The following ETV1 variants were observed in gnomAD, a reference collection of about 807,000 sequenced individuals.
ETV1 encodes ETS translocation variant 1.
Under a neutral mutation model 62.3 loss-of-function variants are expected in ETV1, and 27 were observed. The observed-to-expected ratio is 0.43, with a 90% CI of 0.32 to 0.60. ETV1 has a LOEUF of 0.60. Ranked by LOEUF, ETV1 falls within the 20% of genes least tolerant of loss-of-function variation. The probability of loss-of-function intolerance (pLI) is 0.06; values close to 1 mark genes in which losing one functional copy is unlikely to be tolerated. For synonymous variants in ETV1, 222 were observed against 199.6 expected (o/e 1.11, Z -0.94); for missense variants, 605 against 605.8 (o/e 1.00, Z 0.01).
chr7:13,983,655 A>T (rs940635671), intron 5 of ETV1, among the ~76,000 whole-genome samples: 18 of 151,482 alleles, frequency 1.2e-4, no homozygotes, highest in African/African-American at 4.1e-4. Context: ...GTTACTGAAA[A>T]CATTAACTTT....
chr7:13,979,621 T>C (rs1781788765), intron 5 of ETV1, among the ~76,000 whole-genome samples: 1 of 152,112 alleles, frequency 6.6e-6, no homozygotes, highest in African/African-American at 2.4e-5. Flanking sequence ...TATATCATTG[T>C]TTTGGTTTTC....
intron 8 of ETV1, among the ~76,000 whole-genome samples, chr7:13,932,044 C>CCACACACACACA (rs60981382): frequency 5.0e-4 from 74 of 148,058 alleles, no homozygotes; most frequent in African/African-American, 1.7e-3. Flanking sequence ...TTTTACACAC[C>CCACACACACACA]CACACACACA....
At position 13,988,497 on chromosome 7, in the gene ETV1, C is replaced by CAA. The variant is rs532528165; in HGVS notation, c.46-326_46-325dup. 633 of 678,742 alleles carry CAA rather than the reference C, an allele frequency of 9.3e-4. 2 individuals are homozygous for CAA. In the African/African-American group the frequency reaches 0.011, roughly 11 times the overall value. 42.0% of individuals were successfully genotyped at this position (678,742 alleles called of 1,614,324 possible). A position where few individuals can be genotyped will look rare whatever the true frequency, so the allele number is the denominator to read the frequency against. On this transcript the variant is annotated intron_variant, in intron 3 of 13. Coordinates refer to ENST00000430479, the MANE Select transcript of ETV1 (RefSeq NM_004956.5). ...ACTTAAAGTTGTTTTTAGGCTGGTT[C>CAA]AATGCTAGATTAAAACAGTGGGTTT... is the stretch of plus-strand genomic sequence containing the variant.
chr7:13,932,070 A>AC (rs1786253828), intron 8 of ETV1, among the ~76,000 whole-genome samples: 2 of 151,338 alleles, frequency 1.3e-5, no homozygotes, highest in African/African-American at 4.9e-5. Flanking sequence ...ACACACACAC[A>AC]ACGATTAATG....
At position 13,895,997 on chromosome 7, in the gene ETV1, T is replaced by G. The variant is rs1341179503; in HGVS notation, c.1303A>C (p.Lys435Gln). Residue 435 changes from lysine to glutamine, a missense_variant, in exon 14 of 14, where the codon AAG becomes CAG. Physicochemically the swap from Lys to Gln is moderately conservative, Grantham distance 53. Around this residue, in one of 3 missense-constraint regions of ETV1, gnomAD observed 79 missense variants for 71.6 expected, o/e 1.10. Coordinates refer to ENST00000430479, the MANE Select transcript of ETV1 (RefSeq NM_004956.5). ...AFPDNQRPLL[K>Q]TDMERHINEE... is the part of the protein sequence containing the mutation. ...TTGATGTGACGTTCCATGTCTGTCT[T>G]CAGCAGTGGACGCTGATTATCTGGA... The G allele has an allele frequency of 1.9e-6, 3 of 1,613,758 alleles. No individual in the cohort carries two copies. The highest frequency in any genetic ancestry group is 2.5e-6 in the Non-Finnish European group (3 of 1,179,822).
At chr7:13,934,518 A>G (rs558187315) in intron 8 of ETV1, among the ~76,000 whole-genome samples, 1 of 152,340 alleles carries the variant, frequency 6.6e-6, no homozygotes, top group African/African-American at 2.4e-5. Flanking sequence ...ACGGTGTCTC[A>G]GGGCCAGTTT....
At chr7:13,972,730 C>T (rs895448817) in intron 6 of ETV1, among the ~76,000 whole-genome samples, 3 of 152,256 alleles carry the variant, frequency 2.0e-5, no homozygotes, top group African/African-American at 7.2e-5. Flanking sequence ...TAGCCTTCAT[C>T]GATTTCCTGG....
At chr7:13,909,332 G>T (rs1783313917) in intron 11 of ETV1, among the ~76,000 whole-genome samples, 1 of 152,076 alleles carries the variant, frequency 6.6e-6, no homozygotes, top group Admixed American at 6.6e-5. Context: ...CGAATAACAA[G>T]CTGCATGTGC....
chr7:13,928,576 T>C (rs1405282388), intron 9 of ETV1, among the ~76,000 whole-genome samples: 2 of 152,004 alleles, frequency 1.3e-5, no homozygotes, highest in Non-Finnish European at 2.9e-5. Flanking sequence ...ATCGTGCCAC[T>C]GCACTCCAGC....
chr7:13,949,529 T>TACATTTACC (rs1045386323), intron 6 of ETV1, among the ~76,000 whole-genome samples: 26 of 152,142 alleles, frequency 1.7e-4, no homozygotes, highest in Non-Finnish European at 2.8e-4. Flanking sequence ...TTCTTTCTAG[T>TACATTTACC]ACATTTACCT....
Position 13,986,650 on chromosome 7 carries a change from A to C in ETV1, c.169T>G (p.Trp57Gly), listed in dbSNP as rs768930207. 6.2e-7 allele frequency: 1 copy of C among 1,612,618 alleles called. No homozygotes were observed. The highest frequency in any genetic ancestry group is 1.1e-5 in the South Asian group (1 of 90,662). ...FQDLSQLQETWLAEAQVPDND... is the reference protein window; with the variant it reads ...FQDLSQLQETGLAEAQVPDND... ...AATTTTGCCTTACCTTCTGCAAGCCATGTTTCCTGTAATTGACTTAGATCT... is the reference window on the plus strand; with the variant it reads ...AATTTTGCCTTACCTTCTGCAAGCCCTGTTTCCTGTAATTGACTTAGATCT... The change falls in exon 5 of 14, where the codon TGG becomes GGG. Residue 57 changes from tryptophan (W) to glycine (G), a missense_variant. Transcript: ENST00000430479.
chr7:13,981,911 A>G (rs1420361696), intron 5 of ETV1, among the ~76,000 whole-genome samples: 2 of 152,090 alleles, frequency 1.3e-5, no homozygotes, highest in African/African-American at 2.4e-5. Context: ...AGGCCATGGA[A>G]CAAAATAATC....
intron 5 of ETV1, chr7:13,985,968 TTAAATAAATCCTAA>T: frequency 1.5e-6 from 1 of 675,872 alleles, no homozygotes; most frequent in Non-Finnish European, 2.5e-6. Context: ...CCTTGCTCTA[TTAAATAAATCCTAA>T]TAAAACTGAC....
chr7:13,946,169 G>A (rs540175452), intron 6 of ETV1, among the ~76,000 whole-genome samples: 2 of 152,152 alleles, frequency 1.3e-5, no homozygotes, highest in Non-Finnish European at 2.9e-5. Context: ...CCTGACTTCA[G>A]ACAGGTCAGA....
chr7:13,959,376 A>T (rs1789884139), intron 6 of ETV1, among the ~76,000 whole-genome samples: 1 of 152,168 alleles, frequency 6.6e-6, no homozygotes, highest in African/African-American at 2.4e-5. Flanking sequence ...ACTGTACCTT[A>T]ACTAGTCCCA....
At chr7:13,935,579 A>C (rs1786708129) in intron 8 of ETV1, 129 bp downstream of exon 8, 4 of 691,302 alleles carry the variant, frequency 5.8e-6, no homozygotes, top group Non-Finnish European at 1.0e-5. Flanking sequence ...CTTTCTAAAA[A>C]TATTTTGCAC....
rs1786412512 is a variant in ETV1, at chr7:13,933,329, T to C, written c.555-1580A>G. On this transcript the variant is annotated intron_variant, in intron 8 of 13. Coordinates refer to ENST00000430479, the MANE Select transcript of ETV1 (RefSeq NM_004956.5). ...AGGAATTTGCAAGGTTTTGGTGCAA[T>C]TCTTAGGAGCCACTGACCAATGGTA... is the stretch of plus-strand genomic sequence containing the variant. Among the ~76,000 whole-genome samples, 3 of 152,288 alleles carry C rather than the reference T, an allele frequency of 2.0e-5. No individual in the cohort carries two copies. The South Asian group carries it at 6.2e-4, about 32-fold the overall frequency.
At position 13,917,687 on chromosome 7, in the gene ETV1, G is replaced by A. The variant is rs566049315; in HGVS notation, c.803-6380C>T. 3.1e-3 allele frequency among the ~76,000 whole-genome samples: 466 copies of A among 151,938 alleles called. 4 individuals carry two copies. The highest frequency in any genetic ancestry group is 3.8e-3 in the Non-Finnish European group (255 of 67,954). On this transcript the variant is annotated intron_variant, in intron 9 of 13. Transcript: ENST00000430479. ...GAGGTTTAAAAGAAAATATGAGGCCGGGCGCGGTGGCTCACGCCTGTAATC... is the reference window on the plus strand; with the variant it reads ...GAGGTTTAAAAGAAAATATGAGGCCAGGCGCGGTGGCTCACGCCTGTAATC...
intron 6 of ETV1, among the ~76,000 whole-genome samples, chr7:13,976,697 T>C (rs572016969): frequency 6.6e-6 from 1 of 152,304 alleles, no homozygotes; most frequent in South Asian, 2.1e-4. Flanking sequence ...GAATGGCAGA[T>C]TATAAATATC....
Sources: gnomAD v4.1 joint callset for allele counts (sites outside exome capture counted in the v4.1 genomes callset) on GRCh38, gnomAD v4.1.1 for gene constraint, gnomAD v4.1.1 regional missense constraint, MANE v1.5 for transcripts, NCBI Gene and HGNC (gene_info 2026-07-23, HGNC 2026-07-21) for gene names.